The following ZNF69 variants were observed in gnomAD, a reference collection of about 807,000 sequenced individuals.
ZNF69 encodes ZNF3.
A neutral mutation model predicts 50.9 loss-of-function variants in ZNF69; 47 were observed. The ratio of observed to expected loss-of-function variants is 0.92; its 90% CI spans 0.73 to 1.18. The LOEUF (loss-of-function observed/expected upper bound fraction) is 1.18, where lower values mean the gene tolerates loss of function less well. Among genes scored for constraint, ZNF69 ranks in the 50% most tolerant of loss-of-function variants. ZNF69 has a pLI of 0.00. For missense variants in ZNF69, 717 were observed against 675.1 expected (o/e 1.06, Z -0.69); for synonymous variants, 216 against 223.1 (o/e 0.97, Z 0.29).
chr19:11,951,641 T>C, the ZNF69 span, among the ~76,000 whole-genome samples: 1 of 152,220 alleles, frequency 6.6e-6, no homozygotes, highest in Non-Finnish European at 1.5e-5. Context: ...GGGTGTAATA[T>C]ACTGTAGTGG....
chr19:11,931,580 C>T, the ZNF69 span, among the ~76,000 whole-genome samples: 17,151 of 147,558 alleles, frequency 0.12, 3,601 homozygotes, highest in African/African-American at 0.33. Context: ...CTATTTCAGT[C>T]TTTAGAAGTA....
the ZNF69 span, among the ~76,000 whole-genome samples, chr19:11,961,963 A>G: frequency 6.6e-6 from 1 of 151,468 alleles, no homozygotes; most frequent in African/African-American, 2.4e-5. Flanking sequence ...ACACACATAT[A>G]TATTGTTTTC....
At chr19:11,897,339 C>A (rs1272367167) in intron 1 of ZNF69, among the ~76,000 whole-genome samples, 1 of 151,854 alleles carries the variant, frequency 6.6e-6, no homozygotes, top group African/African-American at 2.4e-5. Context: ...AAGAGTGAAA[C>A]TCCATCTCAA....
At chr19:11,952,626 AG>A in the ZNF69 span, among the ~76,000 whole-genome samples, 1 of 152,232 alleles carries the variant, frequency 6.6e-6, no homozygotes, top group African/African-American at 2.4e-5. Context: ...CAGGCACCAA[AG>A]GATGCAGCAT....
chr19:11,951,185 T>G, the ZNF69 span, among the ~76,000 whole-genome samples: 2 of 150,778 alleles, frequency 1.3e-5, no homozygotes, highest in Admixed American at 1.3e-4. Context: ...AATTTTACTT[T>G]TCATGCTTAT....
the ZNF69 span, chr19:11,947,563 A>G: frequency 2.4e-5 from 39 of 1,613,460 alleles, 1 homozygote; most frequent in Admixed American, 6.3e-4. Flanking sequence ...AAAACCCCAG[A>G]AGAAGCTTCA....
chr19:11,965,401 T>A, the ZNF69 span, among the ~76,000 whole-genome samples: 1 of 152,118 alleles, frequency 6.6e-6, no homozygotes, highest in Non-Finnish European at 1.5e-5. Flanking sequence ...GGACCCCGGG[T>A]GTCCTGTCCT....
At chr19:11,910,199 A>T (rs1260461624), downstream of ZNF69, among the ~76,000 whole-genome samples, 2 of 152,232 alleles carry the variant, frequency 1.3e-5, no homozygotes, top group Non-Finnish European at 2.9e-5. Flanking sequence ...AGAACATTCC[A>T]TGCTCGTGGA....
the ZNF69 span, chr19:11,949,778 C>T: frequency 6.2e-7 from 1 of 1,613,016 alleles, no homozygotes; most frequent in African/African-American, 1.3e-5. Flanking sequence ...CATGAAAGGA[C>T]TCACACTGGA....
At chr19:11,922,301 G>A in the ZNF69 span, among the ~76,000 whole-genome samples, 6 of 152,210 alleles carry the variant, frequency 3.9e-5, no homozygotes, top group Admixed American at 2.6e-4. Context: ...TACATGACCT[G>A]TCACTGTATG....
chr19:11,892,567 G>T (rs910856750), intron 1 of ZNF69, among the ~76,000 whole-genome samples: 1 of 151,830 alleles, frequency 6.6e-6, no homozygotes, highest in Non-Finnish European at 1.5e-5. Flanking sequence ...AGACCAGCCT[G>T]GGCAACATAA....
chr19:11,925,103 C>T, the ZNF69 span: 401 of 1,354,100 alleles, frequency 3.0e-4, 1 homozygote, highest in South Asian at 1.9e-3. Context: ...GAGGGGGTCG[C>T]TTTCCTCACC....
At chr19:11,960,879 C>A in the ZNF69 span, among the ~76,000 whole-genome samples, 16 of 152,290 alleles carry the variant, frequency 1.1e-4, no homozygotes, top group East Asian at 2.1e-3. Flanking sequence ...ACTCTTGCTC[C>A]CCATCTGCTA....
At chr19:11,978,757 A>T in the ZNF69 span, 2 of 1,614,026 alleles carry the variant, frequency 1.2e-6, no homozygotes. Flanking sequence ...AAAAGAACCC[A>T]CACTGGGGGA....
At chr19:11,919,105 C>T (rs943565437), downstream of ZNF69, among the ~76,000 whole-genome samples, 2 of 152,058 alleles carry the variant, frequency 1.3e-5, no homozygotes, top group Non-Finnish European at 2.9e-5. Flanking sequence ...TCGTGTTAGC[C>T]AGGATGGTCT....
downstream of ZNF69, among the ~76,000 whole-genome samples, chr19:11,916,160 TTC>T (rs1483793611): frequency 3.3e-5 from 5 of 152,202 alleles, no homozygotes; most frequent in Non-Finnish European, 7.4e-5. Context: ...TAACTTTTAA[TTC>T]TAGACCTTGA....
At chr19:11,935,230 CTTG>C in the ZNF69 span, among the ~76,000 whole-genome samples, 1 of 115,158 alleles carries the variant, frequency 8.7e-6, no homozygotes, top group East Asian at 2.8e-4. Context: ...TTGGAAAGAT[CTTG>C]TTTTTTTTTT....
chr19:11,939,705 C>A, the ZNF69 span, among the ~76,000 whole-genome samples: 1 of 152,188 alleles, frequency 6.6e-6, no homozygotes, highest in East Asian at 1.9e-4. Context: ...CATAATTGCA[C>A]CTGCCTTGGC....
chr19:11,966,921 A>C, the ZNF69 span, among the ~76,000 whole-genome samples: 1 of 152,190 alleles, frequency 6.6e-6, no homozygotes, highest in Non-Finnish European at 1.5e-5. Context: ...ATTGGAAGTT[A>C]AGTTCTGGCT....
Sources: allele counts gnomAD v4.1 joint callset (sites outside exome capture counted in the v4.1 genomes callset), GRCh38; gene constraint gnomAD v4.1.1; transcripts MANE v1.5; gene names NCBI Gene and HGNC (gene_info 2026-07-23, HGNC 2026-07-21).